JARID2: variants seen among roughly 807,000 people sequenced by gnomAD.
The protein encoded by JARID2 is jumonji and AT-rich interaction domain containing 2.
Under a neutral mutation model 125.6 loss-of-function variants are expected in JARID2, and 21 were observed. That is an observed-to-expected ratio of 0.17 (90% CI 0.12 to 0.24). JARID2 has a LOEUF of 0.24. Ranked by LOEUF, JARID2 falls within the 10% of genes least tolerant of loss-of-function variation. The pLI is 1.00. For missense variants in JARID2, 1,303 were observed against 1,639.6 expected (o/e 0.79, Z 3.55); for synonymous variants, 736 against 661.6 (o/e 1.11, Z -1.73).
intron 1 of JARID2, among the ~76,000 whole-genome samples, chr6:15,273,118 G>A (rs1421563926): frequency 2.0e-5 from 3 of 152,066 alleles, no homozygotes; most frequent in East Asian, 1.9e-4. Flanking sequence ...CATTTTTTAC[G>A]TGCTAAGTTT....
At chr6:15,518,229 C>T (rs1465726783) in intron 17 of JARID2, among the ~76,000 whole-genome samples, 3 of 152,154 alleles carry the variant, frequency 2.0e-5, no homozygotes, top group Admixed American at 6.5e-5. Context: ...GTGCAGGCGG[C>T]GGCACGGGGA....
chr6:15,511,233 C>A, intron 12 of JARID2, 63 bp from the exon 13 acceptor site: 1 of 1,137,756 alleles, frequency 8.8e-7, no homozygotes, highest in Non-Finnish European at 1.3e-6. Context: ...CGGGGGTGGC[C>A]CAGTACATGC....
chr6:15,454,525 T>G (rs987239609), intron 4 of JARID2, among the ~76,000 whole-genome samples: 14 of 152,204 alleles, frequency 9.2e-5, no homozygotes, highest in Admixed American at 7.9e-4. Flanking sequence ...TGTCCACTTC[T>G]GGAGTGCAGT....
At chr6:15,258,337 A>T (rs1351461091) in intron 1 of JARID2, among the ~76,000 whole-genome samples, 1 of 152,082 alleles carries the variant, frequency 6.6e-6, no homozygotes. Flanking sequence ...GAAGTTGAGG[A>T]TCTCTGCTCT....
intron 5 of JARID2, among the ~76,000 whole-genome samples, chr6:15,483,671 TCCC>T (rs928385895): frequency 6.6e-6 from 1 of 152,200 alleles, no homozygotes. Context: ...TTCGGTGATT[TCCC>T]CCAATTTTTA....
intron 1 of JARID2, among the ~76,000 whole-genome samples, chr6:15,367,282 C>CT (rs1437558595): frequency 6.6e-6 from 1 of 152,146 alleles, no homozygotes; most frequent in Non-Finnish European, 1.5e-5. Flanking sequence ...GCTTTTTCAT[C>CT]TTTGTTTCCT....
chr6:15,280,839 G>T (rs1391899664), intron 1 of JARID2, among the ~76,000 whole-genome samples: 1 of 152,034 alleles, frequency 6.6e-6, no homozygotes, highest in Non-Finnish European at 1.5e-5. Context: ...ATGTTGGCCA[G>T]GCTGGTCTTG....
intron 4 of JARID2, 76 bp downstream of exon 4, chr6:15,452,251 A>G: frequency 6.5e-7 from 1 of 1,546,268 alleles, no homozygotes; most frequent in Non-Finnish European, 8.7e-7. Context: ...GAGTAACCTT[A>G]GCTTTACTCT....
intron 2 of JARID2, among the ~76,000 whole-genome samples, chr6:15,409,496 A>G (rs149857755): frequency 7.2e-5 from 11 of 152,306 alleles, no homozygotes; most frequent in Non-Finnish European, 1.2e-4. Flanking sequence ...CCGTTTCCCT[A>G]TAGTGTGACC....
intron 1 of JARID2, among the ~76,000 whole-genome samples, chr6:15,264,189 G>C (rs1581341482): frequency 6.6e-6 from 1 of 152,152 alleles, no homozygotes; most frequent in Non-Finnish European, 1.5e-5. Flanking sequence ...TGCGTGTTCC[G>C]ATTCTGTAGG....
chr6:15,349,768 G>C (rs1313151617), intron 1 of JARID2, among the ~76,000 whole-genome samples: 1 of 152,156 alleles, frequency 6.6e-6, no homozygotes, highest in African/African-American at 2.4e-5. Flanking sequence ...GAAGGCTGGG[G>C]ATGCTACCTC....
intron 8 of JARID2, 37 bp downstream of exon 8, chr6:15,501,446 G>A (rs780015223): frequency 1.3e-6 from 2 of 1,508,026 alleles, no homozygotes; most frequent in Non-Finnish European, 8.8e-7. Flanking sequence ...CCCAGCTGCA[G>A]GAGTGCGGGA....
chr6:15,481,482 C>T (rs1041005543), intron 5 of JARID2, among the ~76,000 whole-genome samples: 2 of 152,122 alleles, frequency 1.3e-5, no homozygotes, highest in South Asian at 2.1e-4. Context: ...CTTTCCTCTT[C>T]TCTCCCTTTC....
intron 1 of JARID2, among the ~76,000 whole-genome samples, chr6:15,354,511 A>G (rs911435609): frequency 1.1e-4 from 16 of 152,354 alleles, no homozygotes; most frequent in African/African-American, 3.4e-4. Flanking sequence ...GGGGTTAGAC[A>G]TTTGATGTTA....
intron 3 of JARID2, among the ~76,000 whole-genome samples, chr6:15,444,388 A>T (rs190898568): frequency 6.6e-6 from 1 of 152,224 alleles, no homozygotes; most frequent in African/African-American, 2.4e-5. Flanking sequence ...ACTGTTCAGG[A>T]TGTTTACAAC....
In JARID2 at chr6:15,521,005, A is replaced by C. The variant is rs1404767377; in HGVS notation, c.*754A>C. ...TGTGCCTGATTTCATTAGGAAATCC[A>C]TTCTGTTATTTTTTGGTGCTGTTGG... On this transcript the variant is annotated 3_prime_UTR_variant, in exon 18 of 18. Transcript: ENST00000341776. 5.4e-6 allele frequency: 1 copy of C among 184,814 alleles called. No individual in the cohort carries two copies. The highest frequency in any genetic ancestry group is 1.2e-5 in the Non-Finnish European group (1 of 86,788). 11.4% of individuals were successfully genotyped at this position (184,814 alleles called of 1,614,324 possible). A position where few individuals can be genotyped will look rare whatever the true frequency, so the allele number is the denominator to read the frequency against.
rs553685552 is a variant in JARID2, at chr6:15,501,223, C to T, written c.2262C>T (p.Phe754=). ...DHHKFHPLPR[F]EPKNGLIHGV... ...ACAAGTTCCACCCTCTGCCCCGCTT[C>T]GAGCCCAAGAATGGGCTCATCCACG... is the stretch of plus-strand genomic sequence containing the variant. The change falls in exon 8 of 18, where the codon TTC becomes TTT. Residue 754 remains phenylalanine (F), a synonymous_variant. Transcript: ENST00000341776. The T allele has an allele frequency of 4.0e-5, 64 of 1,613,772 alleles. No homozygotes were observed. The East Asian group carries it at 1.2e-3, about 30-fold the overall frequency.
At chr6:15,261,311 CTTTTTTTTTTTT>C (rs70996526) in intron 1 of JARID2, among the ~76,000 whole-genome samples, 3 of 125,826 alleles carry the variant, frequency 2.4e-5, no homozygotes, top group African/African-American at 9.7e-5. Context: ...TCTTCTTCTT[CTTTTTTTTTTTT>C]TTTTTTTTTG....
rs113177170 is a variant in JARID2 at position 15,445,965 on chromosome 6, T to G, written c.324-6041T>G. 3.3e-5 allele frequency among the ~76,000 whole-genome samples: 5 copies of G among 152,330 alleles called. 1 individual carries two copies. The highest frequency in any genetic ancestry group is 1.2e-4 in the African/African-American group (5 of 41,570). On this transcript the variant is annotated intron_variant, in intron 3 of 17. Coordinates refer to ENST00000341776, the MANE Select transcript of JARID2 (RefSeq NM_004973.4). ...TCCTGTCTACCTTCAGGTAGACTTC[T>G]GCTGGGATGGCTACTAACTTTACCT...
Sources: gnomAD v4.1 joint callset for allele counts (sites outside exome capture counted in the v4.1 genomes callset) on GRCh38, gnomAD v4.1.1 for gene constraint, MANE v1.5 for transcripts, NCBI Gene and HGNC (gene_info 2026-07-23, HGNC 2026-07-21) for gene names.